NT5M: variants seen among roughly 807,000 people sequenced by gnomAD.
NT5M encodes the protein 5',3'-nucleotidase, mitochondrial.
Under a neutral mutation model 22.2 loss-of-function variants are expected in NT5M, and 22 were observed. The observed-to-expected ratio is 0.99, with a 90% CI of 0.71 to 1.41. The LOEUF (loss-of-function observed/expected upper bound fraction) is 1.41, where lower values mean the gene tolerates loss of function less well. Ranked by LOEUF, NT5M falls within the 40% of genes most tolerant of loss-of-function variation. The pLI is 0.00. For missense variants in NT5M, 322 were observed against 314.8 expected, an observed-to-expected ratio of 1.02 and a Z score of -0.17; for synonymous variants, 167 against 133.0, an observed-to-expected ratio of 1.26 and a Z score of -1.76.
chr17:17,343,128 C>T (rs538829192), intron 3 of NT5M, among the ~76,000 whole-genome samples: 15 of 152,230 alleles, frequency 9.9e-5, no homozygotes, highest in Admixed American at 3.9e-4. Flanking sequence ...TGTGTAGCTC[C>T]GACTGTGACA....
At chr17:17,311,979 G>C (rs1202370589) in intron 2 of NT5M, among the ~76,000 whole-genome samples, 3 of 152,242 alleles carry the variant, frequency 2.0e-5, no homozygotes, top group Admixed American at 2.0e-4. Flanking sequence ...GGGAGCTGCA[G>C]GGCACAGTGG....
At chr17:17,327,262 C>T (rs1444200406) in intron 3 of NT5M, among the ~76,000 whole-genome samples, 1 of 103,778 alleles carries the variant, frequency 9.6e-6, no homozygotes. Flanking sequence ...TTTAACAAAG[C>T]TTTCATCCAA....
At chr17:17,305,313 C>A (rs2048771783) in intron 1 of NT5M, among the ~76,000 whole-genome samples, 1 of 151,634 alleles carries the variant, frequency 6.6e-6, no homozygotes, top group African/African-American at 2.4e-5. Context: ...TCCACTACTT[C>A]CCTTCCTGAG....
At position 17,323,243 on chromosome 17, in the gene NT5M, A is replaced by G; in HGVS notation, c.427A>G (p.Lys143Glu). The G allele has an allele frequency of 1.2e-6, 2 of 1,613,588 alleles. No homozygotes were observed. The highest frequency in any genetic ancestry group is 1.7e-6 in the Non-Finnish European group (2 of 1,179,508). Residue 143 changes from lysine (K) to glutamate (E), a missense_variant and splice_region_variant, in exon 3 of 5, where the codon AAG becomes GAG. Coordinates refer to ENST00000389022, the MANE Select transcript of NT5M (RefSeq NM_020201.4). ...GATGTTCAAGTACTGTCCCTATGAG[A>G]AGGTAAGGCGTGCGTCTGCTCAGCT... The part of the protein sequence containing the change: ...IKMFKYCPYE[K>E]YAWVEKYFGP...
chr17:17,318,078 G>A (rs370907886), intron 2 of NT5M, among the ~76,000 whole-genome samples: 2 of 151,568 alleles, frequency 1.3e-5, no homozygotes, highest in East Asian at 1.9e-4. Context: ...ACTAGTACCC[G>A]AATGTCCCAG....
chr17:17,343,804 G>T (rs2049698939), intron 3 of NT5M, among the ~76,000 whole-genome samples: 1 of 152,182 alleles, frequency 6.6e-6, no homozygotes, highest in East Asian at 1.9e-4. Context: ...CTGTAACAGG[G>T]TCTGTGACTT....
chr17:17,332,838 C>T (rs1047554629), intron 3 of NT5M, among the ~76,000 whole-genome samples: 3 of 152,232 alleles, frequency 2.0e-5, no homozygotes, highest in Admixed American at 6.5e-5. Context: ...CGGTATCCTG[C>T]GTTCTGTGGT....
At position 17,303,659 on chromosome 17, in the gene NT5M, C is replaced by A. The variant is rs1218152510; in HGVS notation, c.109C>A (p.Arg37=). Residue 37 remains arginine (R), a synonymous_variant, in exon 1 of 5, where the codon CGG becomes AGG. Coordinates refer to ENST00000389022, the MANE Select transcript of NT5M (RefSeq NM_020201.4). ...GGGCCTGGCGGGAGGCCGCGCCCTA[C>A]GGGTGCTGGTGGACATGGACGGCGT... ...GLGLAGGRAL[R]VLVDMDGVLA... 5.9e-6 allele frequency: 9 copies of A among 1,538,380 alleles called. No homozygotes were observed. The highest frequency in any genetic ancestry group is 1.8e-4 in the Middle Eastern group (1 of 5,566).
At chr17:17,346,688 A>G in intron 4 of NT5M, 117 bp from the exon 5 acceptor site, 1 of 1,274,762 alleles carries the variant, frequency 7.8e-7, no homozygotes, top group Non-Finnish European at 1.1e-6. Flanking sequence ...TCACCCCTTT[A>G]CAGAGGAAAC....
intron 2 of NT5M, among the ~76,000 whole-genome samples, chr17:17,316,113 G>A (rs2049023068): frequency 6.7e-6 from 1 of 148,542 alleles, no homozygotes; most frequent in Admixed American, 6.8e-5. Flanking sequence ...GTAGTGTAGT[G>A]GTGCCATCTT....
intron 3 of NT5M, among the ~76,000 whole-genome samples, chr17:17,343,814 T>G (rs1171406464): frequency 1.3e-5 from 2 of 152,122 alleles, no homozygotes; most frequent in Non-Finnish European, 2.9e-5. Flanking sequence ...GTCTGTGACT[T>G]AAGGGTTGGT....
chr17:17,323,390 T>C, intron 3 of NT5M, 145 bp downstream of exon 3: 1 of 726,728 alleles, frequency 1.4e-6, no homozygotes, highest in Non-Finnish European at 2.5e-6. Context: ...CCCAAGGACC[T>C]CTCCAGCCTG....
intron 3 of NT5M, among the ~76,000 whole-genome samples, chr17:17,340,432 G>T (rs2049613259): frequency 6.6e-6 from 1 of 150,414 alleles, no homozygotes; most frequent in African/African-American, 2.4e-5. Context: ...CCAACTTTTT[G>T]TTTCTTTTCA....
At chr17:17,329,369 G>A (rs80047279) in intron 3 of NT5M, among the ~76,000 whole-genome samples, 327 of 152,332 alleles carry the variant, frequency 2.1e-3, no homozygotes, top group South Asian at 7.9e-3. Context: ...AGAAAGTGGG[G>A]AGTCAGACTT....
intron 3 of NT5M, among the ~76,000 whole-genome samples, chr17:17,336,283 T>TA (rs2049509829): frequency 6.6e-6 from 1 of 152,184 alleles, no homozygotes; most frequent in Non-Finnish European, 1.5e-5. Context: ...ATTACAGGCA[T>TA]GAGCCACCGC....
intron 3 of NT5M, among the ~76,000 whole-genome samples, chr17:17,324,616 ACT>A (rs2049228047): frequency 6.6e-6 from 1 of 151,710 alleles, no homozygotes; most frequent in Non-Finnish European, 1.5e-5. Context: ...CTTGGTGCCC[ACT>A]GTTTCATCAT....
intron 2 of NT5M, among the ~76,000 whole-genome samples, chr17:17,317,464 G>A (rs1007272366): frequency 1.3e-5 from 2 of 152,174 alleles, no homozygotes; most frequent in African/African-American, 4.8e-5. Flanking sequence ...TTAGGGAAAT[G>A]CAAGTCAAAA....
intron 2 of NT5M, among the ~76,000 whole-genome samples, chr17:17,307,419 T>G (rs567563864): frequency 5.9e-5 from 9 of 151,770 alleles, no homozygotes; most frequent in African/African-American, 2.2e-4. Context: ...AGGTCAGGAG[T>G]TCGAGACCAG....
At chr17:17,334,377 G>A (rs1287750874) in intron 3 of NT5M, among the ~76,000 whole-genome samples, 1 of 150,428 alleles carries the variant, frequency 6.6e-6, no homozygotes, top group East Asian at 2.0e-4. Context: ...CTTTCTCACT[G>A]AAGTGTCATG....
Sources: allele counts gnomAD v4.1 joint callset (sites outside exome capture counted in the v4.1 genomes callset), GRCh38; gene constraint gnomAD v4.1.1; transcripts MANE v1.5; gene names NCBI Gene and HGNC (gene_info 2026-07-23, HGNC 2026-07-21).